Variants in SLC39A11 observed in about 807,000 individuals in gnomAD.
SLC39A11 encodes zinc transporter ZIP11.
In SLC39A11, 33 loss-of-function variants were observed where a neutral mutation model predicts 36.1. The observed-to-expected ratio is 0.91, with a 90% CI of 0.69 to 1.22. SLC39A11 has a LOEUF of 1.22. Among genes scored for constraint, SLC39A11 ranks in the 50% most tolerant of loss-of-function variants. SLC39A11 has a pLI of 0.00. For missense variants in SLC39A11, 432 were observed against 430.3 expected (o/e 1.00, Z -0.03); for synonymous variants, 166 against 170.3 (o/e 0.97, Z 0.20).
intron 5 of SLC39A11, among the ~76,000 whole-genome samples, chr17:72,900,994 GA>G (rs769754922): frequency 8.0e-5 from 12 of 149,636 alleles, no homozygotes; most frequent in East Asian, 2.0e-4. Flanking sequence ...AAAAAAACAC[GA>G]AAAAAAAACA....
intron 3 of SLC39A11, among the ~76,000 whole-genome samples, chr17:73,059,810 G>A (rs1264805971): frequency 6.6e-6 from 1 of 152,136 alleles, no homozygotes; most frequent in African/African-American, 2.4e-5. Context: ...ATGACAGGTT[G>A]CCCCAAAATG....
At chr17:72,866,027 A>G (rs79816627) in intron 5 of SLC39A11, among the ~76,000 whole-genome samples, 1,728 of 152,324 alleles carry the variant, frequency 0.011, 46 homozygotes, top group African/African-American at 0.036. Context: ...GGGGTCCCCA[A>G]TACCTGGGTC....
At chr17:72,722,348 T>C (rs969197331) in intron 7 of SLC39A11, among the ~76,000 whole-genome samples, 5 of 152,172 alleles carry the variant, frequency 3.3e-5, no homozygotes, top group African/African-American at 7.2e-5. Context: ...AACTAGATTT[T>C]CAACAGATGA....
At chr17:73,058,007 CTCT>C (rs1345057040) in intron 3 of SLC39A11, among the ~76,000 whole-genome samples, 5 of 102,922 alleles carry the variant, frequency 4.9e-5, no homozygotes, top group Non-Finnish European at 7.7e-5. Flanking sequence ...TCGTTTTAGA[CTCT>C]TTTTTTTTTT....
chr17:72,957,614 T>G (rs2147875111), intron 4 of SLC39A11, among the ~76,000 whole-genome samples: 1 of 152,310 alleles, frequency 6.6e-6, no homozygotes, highest in Non-Finnish European at 1.5e-5. Flanking sequence ...AGGTCAAAAG[T>G]TCGAGAACAG....
At chr17:73,050,462 C>CTTTT (rs558193911) in intron 3 of SLC39A11, among the ~76,000 whole-genome samples, 1 of 124,322 alleles carries the variant, frequency 8.0e-6, no homozygotes, top group South Asian at 2.7e-4. Context: ...TGTGAACTGA[C>CTTTT]TTTTTTTTTT....
intron 5 of SLC39A11, among the ~76,000 whole-genome samples, chr17:72,913,800 A>G (rs993186674): frequency 6.6e-6 from 1 of 152,048 alleles, no homozygotes; most frequent in African/African-American, 2.4e-5. Flanking sequence ...TCTGTATCTC[A>G]GTCTGCATGC....
At chr17:72,961,734 G>T (rs532492135) in intron 4 of SLC39A11, among the ~76,000 whole-genome samples, 1 of 151,582 alleles carries the variant, frequency 6.6e-6, no homozygotes, top group East Asian at 1.9e-4. Flanking sequence ...ACTGGGGCCT[G>T]TCAGGAGGTG....
At chr17:72,872,215 C>T (rs1446594668) in intron 5 of SLC39A11, among the ~76,000 whole-genome samples, 3 of 152,182 alleles carry the variant, frequency 2.0e-5, no homozygotes, top group South Asian at 2.1e-4. Flanking sequence ...CCAAGACCCA[C>T]ATCCCTGGAT....
intron 7 of SLC39A11, among the ~76,000 whole-genome samples, chr17:72,684,637 C>A (rs1443735964): frequency 6.6e-6 from 1 of 152,214 alleles, no homozygotes; most frequent in Non-Finnish European, 1.5e-5. Context: ...TTTATCGCGG[C>A]CACCACTATC....
rs552494412 is a variant in SLC39A11, at chr17:72,693,306, A to C, written c.671+43344T>G. On this transcript the variant is annotated intron_variant, in intron 7 of 9. Coordinates refer to ENST00000255559, the MANE Select transcript of SLC39A11 (RefSeq NM_139177.4). ...CCACTTCTACAAAGCTGCAGGGAAC[A>C]CTGACCAGCCAGCAAGCTCACGGTC... Among the ~76,000 whole-genome samples the C allele has an allele frequency of 5.5e-3, 816 of 148,140 alleles. 8 individuals carry two copies. Among genetic ancestry groups the C allele is most frequent in the African/African-American group, 0.019 (789 of 40,808 alleles).
At chr17:72,844,377 T>C (rs1486920555) in intron 6 of SLC39A11, among the ~76,000 whole-genome samples, 2 of 152,176 alleles carry the variant, frequency 1.3e-5, no homozygotes, top group Non-Finnish European at 2.9e-5. Flanking sequence ...GTAACATTCA[T>C]GTGCCAAGGG....
chr17:73,002,806 T>C (rs2089895425), intron 4 of SLC39A11, among the ~76,000 whole-genome samples: 1 of 152,214 alleles, frequency 6.6e-6, no homozygotes, highest in Non-Finnish European at 1.5e-5. Flanking sequence ...AGCAGGGCCA[T>C]GCTCCCTCTG....
intron 5 of SLC39A11, among the ~76,000 whole-genome samples, chr17:72,898,933 G>A (rs772803899): frequency 7.2e-5 from 11 of 152,240 alleles, no homozygotes; most frequent in Middle Eastern, 3.4e-3. Context: ...GAGACCCTTC[G>A]GGGACTATGC....
intron 6 of SLC39A11, among the ~76,000 whole-genome samples, chr17:72,832,856 A>G (rs1174599852): frequency 2.0e-5 from 3 of 152,204 alleles, no homozygotes; most frequent in Non-Finnish European, 4.4e-5. Context: ...TGCAACTGAA[A>G]CGTGATCAAT....
intron 5 of SLC39A11, among the ~76,000 whole-genome samples, chr17:72,925,179 T>C (rs2083968307): frequency 6.6e-6 from 1 of 152,118 alleles, no homozygotes. Context: ...GGTTGGCCTA[T>C]TCCTGTTCTT....
At chr17:73,013,264 C>A (rs565714113) in intron 4 of SLC39A11, among the ~76,000 whole-genome samples, 1 of 151,566 alleles carries the variant, frequency 6.6e-6, no homozygotes, top group Admixed American at 6.6e-5. Context: ...ATTTTTGTAT[C>A]TTTAATAGAG....
At chr17:73,028,019 G>A (rs749072220) in intron 4 of SLC39A11, among the ~76,000 whole-genome samples, 36 of 152,280 alleles carry the variant, frequency 2.4e-4, no homozygotes, top group Admixed American at 1.1e-3. Context: ...CCTGGGGCCC[G>A]TCCCAAAGGG....
At position 72,667,588 on chromosome 17, in the gene SLC39A11, G is replaced by A. The variant is rs373123022; in HGVS notation, c.672-18320C>T. On this transcript the variant is annotated intron_variant, in intron 7 of 9. Coordinates refer to ENST00000255559, the MANE Select transcript of SLC39A11 (RefSeq NM_139177.4). ...GGTGGCTGGGGATATCATCAGCTGG[G>A]AGGCTCAGCACCTGCTGCTTTGCAT... Among the ~76,000 whole-genome samples the A allele has an allele frequency of 1.2e-4, 18 of 152,302 alleles. 1 individual carries two copies. Among genetic ancestry groups the A allele is most frequent in the African/African-American group, 4.3e-4 (18 of 41,556 alleles).
Sources: gnomAD v4.1 joint callset for allele counts (sites outside exome capture counted in the v4.1 genomes callset) on GRCh38, gnomAD v4.1.1 for gene constraint, MANE v1.5 for transcripts, NCBI Gene and HGNC (gene_info 2026-07-23, HGNC 2026-07-21) for gene names.